Variants in ITSN2 observed in about 807,000 individuals in gnomAD.
ITSN2 encodes intersectin 2.
In ITSN2, 156 loss-of-function variants were observed where a neutral mutation model predicts 243.7. The observed-to-expected ratio is 0.64, with a 90% CI of 0.56 to 0.73. ITSN2 has a LOEUF of 0.73. ITSN2 is among the 30% of genes least tolerant of loss of function. The probability of loss-of-function intolerance (pLI) is 0.00; values close to 1 mark genes in which losing one functional copy is unlikely to be tolerated. For missense variants in ITSN2, 1,801 were observed against 1,996.1 expected (o/e 0.90, Z 1.86); for synonymous variants, 703 against 699.9 (o/e 1.00, Z -0.07).
Position 24,204,518 on chromosome 2 carries a change from C to T in ITSN2, c.4763-100G>A, listed in dbSNP as rs1668639718. The T allele has an allele frequency of 4.7e-6, 5 of 1,068,686 alleles. No individual in the cohort carries two copies. Among genetic ancestry groups the T allele is most frequent in the Non-Finnish European group, 5.8e-6 (4 of 688,326 alleles). The allele number at this position is 1,068,686 out of a possible 1,614,324, so 66.2% of individuals were successfully genotyped here. On this transcript the variant is annotated intron_variant, in intron 38 of 39. Coordinates refer to ENST00000355123, the MANE Select transcript of ITSN2 (RefSeq NM_006277.3). The surrounding 1 kb of genome is among the most constrained non-coding windows in gnomAD (Gnocchi z 5.1). ...CAGAAGCAGGATTCCAATAATGGGT[C>T]ACTCGAGACCATGGCAGCAGGAGCC... is the stretch of plus-strand genomic sequence containing the variant.
intron 20 of ITSN2, among the ~76,000 whole-genome samples, chr2:24,265,832 G>A (rs1408355914): frequency 6.6e-6 from 1 of 152,068 alleles, no homozygotes; most frequent in African/African-American, 2.4e-5. Flanking sequence ...TTTTATTTAA[G>A]GTATTCTCTT....
intron 15 of ITSN2, among the ~76,000 whole-genome samples, chr2:24,287,563 G>A (rs1033909437): frequency 6.6e-6 from 1 of 152,122 alleles, no homozygotes; most frequent in African/African-American, 2.4e-5. Context: ...ATTCAGAAGT[G>A]AGATTGCTGG....
At chr2:24,251,937 G>A (rs1239975042) in intron 25 of ITSN2, among the ~76,000 whole-genome samples, 1 of 152,098 alleles carries the variant, frequency 6.6e-6, no homozygotes, top group Non-Finnish European at 1.5e-5. Context: ...CCATACTGGT[G>A]GTGGATGAAA....
chr2:24,203,618 T>TA lies in ITSN2; in HGVS notation c.*7dup. 1 of 1,612,492 alleles carries TA rather than the reference T, an allele frequency of 6.2e-7. No homozygotes were observed. On this transcript the variant is annotated 3_prime_UTR_variant, in exon 40 of 40. Coordinates refer to ENST00000355123, the MANE Select transcript of ITSN2 (RefSeq NM_006277.3). ...GGGCTGTCCCGCTGGTGCTGTCCTT[T>TA]AGAACCCCTACAGGAGAGTTTTTTG...
intron 4 of ITSN2, 67 bp downstream of exon 4, chr2:24,313,388 TTTATG>T (rs1395527935): frequency 7.8e-7 from 1 of 1,276,324 alleles, no homozygotes; most frequent in African/African-American, 1.5e-5. Context: ...TAAAAACAAT[TTTATG>T]TTAACACTAT....
chr2:24,273,786 G>T (rs1403194825), intron 18 of ITSN2: 1 of 152,158 alleles, frequency 6.6e-6, no homozygotes, highest in Non-Finnish European at 1.5e-5. Context: ...TGAGAAACCG[G>T]TCCAGTGCCA....
intron 29 of ITSN2, among the ~76,000 whole-genome samples, chr2:24,243,093 G>A (rs1672927276): frequency 6.6e-6 from 1 of 152,140 alleles, no homozygotes; most frequent in Non-Finnish European, 1.5e-5. Flanking sequence ...TATCCTTCAT[G>A]TACCAGCTCA....
In ITSN2 at chr2:24,234,807, C is replaced by T. The variant is rs557316733; in HGVS notation, c.3577+11322G>A. On this transcript the variant is annotated intron_variant, in intron 29 of 39. Transcript: ENST00000355123. ...ACAAAAATGAGATACCACTACACAC[C>T]TGTTAGAATGGCCAGAATCTGTAAC... Among the ~76,000 whole-genome samples, 5 of 152,290 alleles carry T rather than the reference C, an allele frequency of 3.3e-5. No homozygotes were observed. The East Asian group carries it at 9.6e-4, about 29-fold the overall frequency.
chr2:24,216,119 C>G lies in ITSN2; in HGVS notation c.3920G>C (p.Cys1307Ser). 6.2e-7 allele frequency: 1 copy of G among 1,613,214 alleles called. No individual in the cohort carries two copies. The highest frequency in any genetic ancestry group is 8.5e-7 in the Non-Finnish European group (1 of 1,179,576). ...TAACAGAGCTGCTCCATTAAGCTGG[C>G]AGCTGCAGAACCTGATGTAAGCCTG... is the stretch of plus-strand genomic sequence containing the variant. ...HMQAYIRFCS[C>S]QLNGAALLQQ... Residue 1307 changes from cysteine to serine, a missense_variant, in exon 32 of 40, where the codon TGC becomes TCC. Physicochemically the swap from Cys to Ser is moderately radical, Grantham distance 112. Coordinates refer to ENST00000355123, the MANE Select transcript of ITSN2 (RefSeq NM_006277.3).
At chr2:24,357,000 G>A (rs747976648) in intron 1 of ITSN2, among the ~76,000 whole-genome samples, 29 of 152,144 alleles carry the variant, frequency 1.9e-4, no homozygotes, top group Non-Finnish European at 2.6e-4. Flanking sequence ...AGTCTGTGGC[G>A]AAATGGAACG....
At chr2:24,235,729 G>C (rs1281863783) in intron 29 of ITSN2, among the ~76,000 whole-genome samples, 1 of 152,162 alleles carries the variant, frequency 6.6e-6, no homozygotes, top group Non-Finnish European at 1.5e-5. Context: ...CTCCAAAGGA[G>C]GTATACAAAT....
At chr2:24,343,956 T>C (rs868460153) in intron 1 of ITSN2, among the ~76,000 whole-genome samples, 1 of 152,230 alleles carries the variant, frequency 6.6e-6, no homozygotes, top group Non-Finnish European at 1.5e-5. Flanking sequence ...GGGGTGAACC[T>C]GAAGACCCAG....
At chr2:24,330,747 T>TA in intron 1 of ITSN2, 1 of 558,724 alleles carries the variant, frequency 1.8e-6, no homozygotes, top group East Asian at 3.6e-5. Flanking sequence ...TCAAGTTTTA[T>TA]AAAAAATGCA....
At chr2:24,332,669 C>T (rs759519275) in intron 1 of ITSN2, among the ~76,000 whole-genome samples, 1 of 152,128 alleles carries the variant, frequency 6.6e-6, no homozygotes, top group Non-Finnish European at 1.5e-5. Flanking sequence ...CATTTCATAT[C>T]TATTACATTT....
intron 29 of ITSN2, among the ~76,000 whole-genome samples, chr2:24,244,513 T>C (rs1326945551): frequency 2.0e-5 from 3 of 152,196 alleles, no homozygotes; most frequent in East Asian, 1.9e-4. Flanking sequence ...ATAGATGCTA[T>C]AGAAGCCAAA....
chr2:24,229,476 C>T (rs1671364934), intron 29 of ITSN2, among the ~76,000 whole-genome samples: 1 of 152,110 alleles, frequency 6.6e-6, no homozygotes, highest in Non-Finnish European at 1.5e-5. Context: ...GTAATCCCAA[C>T]TACTCAGGAG....
At chr2:24,295,434 G>A (rs763773365) in intron 14 of ITSN2, among the ~76,000 whole-genome samples, 5 of 152,076 alleles carry the variant, frequency 3.3e-5, no homozygotes, top group Non-Finnish European at 5.9e-5. Flanking sequence ...AGCCTCCCGA[G>A]TTGCTGGGAT....
chr2:24,224,635 AC>A (rs1261709387), intron 29 of ITSN2, among the ~76,000 whole-genome samples: 1 of 119,508 alleles, frequency 8.4e-6, no homozygotes, highest in African/African-American at 2.8e-5. Context: ...CGGCTCTTCA[AC>A]TTTTTTTTTT....
intron 20 of ITSN2, among the ~76,000 whole-genome samples, chr2:24,268,709 C>A (rs1237491923): frequency 2.0e-5 from 3 of 151,854 alleles, no homozygotes; most frequent in African/African-American, 7.3e-5. Flanking sequence ...TTCCTCTCTG[C>A]AGATCCTTTC....
Sources: allele counts gnomAD v4.1 joint callset (sites outside exome capture counted in the v4.1 genomes callset), GRCh38; gene constraint gnomAD v4.1.1; non-coding constraint Gnocchi (gnomAD v3.1); transcripts MANE v1.5; gene names NCBI Gene and HGNC (gene_info 2026-07-23, HGNC 2026-07-21).